Variants in BMP7 observed in about 807,000 individuals in gnomAD.
The protein encoded by BMP7 is bone morphogenetic protein 7.
In BMP7, 12 loss-of-function variants were observed where a neutral mutation model predicts 41.2. The ratio of observed to expected loss-of-function variants is 0.29; its 90% CI spans 0.19 to 0.47. BMP7 has a LOEUF of 0.47. Among genes scored for constraint, BMP7 ranks in the 20% least tolerant of loss-of-function variants. BMP7 has a pLI of 0.99. For missense variants in BMP7, 467 were observed against 606.0 expected (o/e 0.77, Z 2.41); for synonymous variants, 248 against 250.0 (o/e 0.99, Z 0.07).
At chr20:57,242,305 C>A (rs562666426) in intron 1 of BMP7, among the ~76,000 whole-genome samples, 30 of 152,288 alleles carry the variant, frequency 2.0e-4, no homozygotes, top group African/African-American at 6.7e-4. Context: ...CCCATCCAAC[C>A]CCAAATGTGA....
intron 1 of BMP7, among the ~76,000 whole-genome samples, chr20:57,234,087 A>T (rs566801775): frequency 4.3e-4 from 64 of 150,182 alleles, no homozygotes; most frequent in Non-Finnish European, 8.1e-4. Flanking sequence ...CCCCACCCCC[A>T]CTCCCATCCC....
intron 1 of BMP7, among the ~76,000 whole-genome samples, chr20:57,246,708 G>A (rs1384363126): frequency 6.6e-6 from 1 of 152,220 alleles, no homozygotes; most frequent in Non-Finnish European, 1.5e-5. Flanking sequence ...AAGAGGACAG[G>A]CTGGGTGCGG....
At chr20:57,189,791 G>T in intron 3 of BMP7, among the ~76,000 whole-genome samples, 1 of 152,346 alleles carries the variant, frequency 6.6e-6, no homozygotes, top group East Asian at 1.9e-4. Flanking sequence ...TGTTTATTGA[G>T]CACCTACTGT....
chr20:57,264,116 C>T (rs1183328982), intron 1 of BMP7, among the ~76,000 whole-genome samples: 6 of 152,188 alleles, frequency 3.9e-5, no homozygotes, highest in Non-Finnish European at 8.8e-5. Context: ...GCATCTAAAC[C>T]TCCCACCCCT....
chr20:57,253,933 T>C (rs80232933), intron 1 of BMP7, among the ~76,000 whole-genome samples: 72 of 151,988 alleles, frequency 4.7e-4, no homozygotes, highest in African/African-American at 1.7e-3. Context: ...TGTTTCAGAC[T>C]GTACCAGTGT....
Position 57,174,581 on chromosome 20 carries a change from G to A in BMP7, c.1035+350C>T, listed in dbSNP as rs545667133. ...TGGGAATGGGGTAAATGAAGTCAGAGGGCAGAGGGGGAGATGGCTCCCCAG... is the reference window on the plus strand; with the variant it reads ...TGGGAATGGGGTAAATGAAGTCAGAAGGCAGAGGGGGAGATGGCTCCCCAG... On this transcript the variant is annotated intron_variant, in intron 5 of 6. Transcript: ENST00000395863. This position sits in a 1 kb window ranked among gnomAD's most constrained non-coding sequence, Gnocchi z 4.3. Among the ~76,000 whole-genome samples the A allele has an allele frequency of 4.5e-4, 68 of 152,328 alleles. No homozygotes were observed. The highest frequency in any genetic ancestry group is 8.2e-4 in the Non-Finnish European group (56 of 68,036).
At chr20:57,264,164 A>T (rs1325300392) in intron 1 of BMP7, among the ~76,000 whole-genome samples, 1 of 152,274 alleles carries the variant, frequency 6.6e-6, no homozygotes, top group East Asian at 1.9e-4. Flanking sequence ...GGATTTAGTT[A>T]TTATTAAGTA....
At position 57,266,057 on chromosome 20, in the gene BMP7, G is replaced by A; in HGVS notation, c.66C>T (p.Phe22=). 6.5e-7 allele frequency: 1 copy of A among 1,541,680 alleles called. No individual in the cohort carries two copies. The highest frequency in any genetic ancestry group is 8.7e-7 in the Non-Finnish European group (1 of 1,146,796). The change falls in exon 1 of 7, where the codon TTC becomes TTT. Residue 22 remains phenylalanine, a synonymous_variant. Transcript: ENST00000395863. ...HSFVALWAPL[F]LLRSALADFS... is the part of the protein sequence containing the mutation. Reference sequence around the variant, plus strand: ...AGTCGGCCAGGGCGGAGCGCAGCAGGAACAGGGGTGCCCAGAGCGCCACGA... The same window carrying A: ...AGTCGGCCAGGGCGGAGCGCAGCAGAAACAGGGGTGCCCAGAGCGCCACGA...
At chr20:57,182,039 GC>G (rs778828347) in intron 4 of BMP7, among the ~76,000 whole-genome samples, 46 of 152,326 alleles carry the variant, frequency 3.0e-4, no homozygotes, top group Non-Finnish European at 4.9e-4. Flanking sequence ...CCGGGCAGCA[GC>G]TCCCCTGGCC....
At chr20:57,225,730 C>A (rs1261918390) in intron 2 of BMP7, 1 of 286,060 alleles carries the variant, frequency 3.5e-6, no homozygotes, top group African/African-American at 2.2e-5. Context: ...AACCATTTAA[C>A]TTCTGAAGAA....
intron 1 of BMP7, among the ~76,000 whole-genome samples, chr20:57,236,292 G>T (rs1434911252): frequency 6.6e-6 from 1 of 152,194 alleles, no homozygotes; most frequent in African/African-American, 2.4e-5. Context: ...CCAGGAGGGC[G>T]ATAACACCAT....
At chr20:57,182,330 C>T (rs1473176065) in intron 4 of BMP7, among the ~76,000 whole-genome samples, 1 of 152,170 alleles carries the variant, frequency 6.6e-6, no homozygotes, top group Admixed American at 6.5e-5. Flanking sequence ...CCAGAATGCA[C>T]CTTCTGGGGA....
rs554645501 is a variant in BMP7 at position 57,187,374 on chromosome 20, G to A, written c.761-3455C>T. ...CATTAAGGCAGTTGTGCCTTACATA[G>A]CCTCCACCCTGGCCTTAGAGGTGGG... On this transcript the variant is annotated intron_variant, in intron 3 of 6. Transcript: ENST00000395863. Among the ~76,000 whole-genome samples, 295 of 152,290 alleles carry A rather than the reference G, an allele frequency of 1.9e-3. 1 individual carries two copies. Among genetic ancestry groups the A allele is most frequent in the Non-Finnish European group, 3.5e-3 (236 of 68,014 alleles).
At chr20:57,180,960 T>C (rs1343226204) in intron 4 of BMP7, among the ~76,000 whole-genome samples, 1 of 152,104 alleles carries the variant, frequency 6.6e-6, no homozygotes, top group Non-Finnish European at 1.5e-5. Context: ...GAGGGTTAAT[T>C]TGGGGGTGGG....
chr20:57,241,468 G>C (rs2066069454), intron 1 of BMP7, among the ~76,000 whole-genome samples: 1 of 152,172 alleles, frequency 6.6e-6, no homozygotes, highest in South Asian at 2.1e-4. Flanking sequence ...CCAGATTGGG[G>C]GGCAGGGCCC....
chr20:57,212,354 C>G (rs934215356), intron 2 of BMP7, among the ~76,000 whole-genome samples: 1 of 152,198 alleles, frequency 6.6e-6, no homozygotes, highest in African/African-American at 2.4e-5. Flanking sequence ...CACGATGTCC[C>G]CTGCAGGGCC....
intron 2 of BMP7, among the ~76,000 whole-genome samples, chr20:57,207,450 G>A (rs541166205): frequency 6.3e-4 from 96 of 152,308 alleles, no homozygotes; most frequent in African/African-American, 2.2e-3. Context: ...GCAATAAAAC[G>A]ATGTTGTTTT....
intron 1 of BMP7, among the ~76,000 whole-genome samples, chr20:57,244,835 C>A (rs567412511): frequency 3.9e-5 from 6 of 152,308 alleles, no homozygotes; most frequent in Middle Eastern, 3.4e-3. Flanking sequence ...ACCTTCCCCC[C>A]AGAGCAGCCA....
intron 3 of BMP7, 133 bp from the exon 4 acceptor site, chr20:57,184,052 A>G (rs1984154285): frequency 9.3e-7 from 1 of 1,070,406 alleles, no homozygotes; most frequent in South Asian, 1.4e-5. Context: ...GTATTTATTG[A>G]GTACTCACTC....
Sources: gnomAD v4.1 joint callset for allele counts (sites outside exome capture counted in the v4.1 genomes callset) on GRCh38, gnomAD v4.1.1 for gene constraint, Gnocchi (gnomAD v3.1) non-coding constraint, MANE v1.5 for transcripts, NCBI Gene and HGNC (gene_info 2026-07-23, HGNC 2026-07-21) for gene names.